The following EPHA3 variants were observed in gnomAD, a reference collection of about 807,000 sequenced individuals.
The protein encoded by EPHA3 is ephrin type-A receptor 3.
A neutral mutation model predicts 107.1 loss-of-function variants in EPHA3; 42 were observed. The ratio of observed to expected loss-of-function variants is 0.39; its 90% CI spans 0.31 to 0.51. EPHA3 has a LOEUF of 0.51. Ranked by LOEUF, EPHA3 falls within the 20% of genes least tolerant of loss-of-function variation. The pLI, the probability that EPHA3 is intolerant of heterozygous loss-of-function variation, is 0.78. For synonymous variants in EPHA3, 461 were observed against 424.8 expected (o/e 1.09, Z -1.05); for missense variants, 1,183 against 1,211.2 (o/e 0.98, Z 0.35).
intron 3 of EPHA3, among the ~76,000 whole-genome samples, chr3:89,233,383 C>T (rs1469745653): frequency 3.9e-5 from 6 of 152,084 alleles, no homozygotes; most frequent in Non-Finnish European, 8.8e-5. Context: ...AACTAGTGTG[C>T]GTAAATGAGG....
At chr3:89,355,730 T>C (rs1559661678) in intron 5 of EPHA3, among the ~76,000 whole-genome samples, 1 of 150,736 alleles carries the variant, frequency 6.6e-6, no homozygotes, top group Non-Finnish European at 1.5e-5. Flanking sequence ...TTGAATAAGT[T>C]GTGCTCTGTC....
chr3:89,280,697 A>G (rs1051166882), intron 3 of EPHA3, among the ~76,000 whole-genome samples: 1 of 152,158 alleles, frequency 6.6e-6, no homozygotes, highest in Non-Finnish European at 1.5e-5. Flanking sequence ...AAAATATATC[A>G]AGGATGTACC....
chr3:89,191,451 C>A (rs1334539482), intron 2 of EPHA3, among the ~76,000 whole-genome samples: 1 of 151,810 alleles, frequency 6.6e-6, no homozygotes, highest in Non-Finnish European at 1.5e-5. Flanking sequence ...GGACTACAGG[C>A]GCCCGCCACC....
chr3:89,246,240 A>C (rs1461919309), intron 3 of EPHA3, among the ~76,000 whole-genome samples: 1 of 152,186 alleles, frequency 6.6e-6, no homozygotes, highest in East Asian at 1.9e-4. Flanking sequence ...CAGTATGGAA[A>C]CTTGAAGTTT....
chr3:89,314,447 G>T (rs554379709), intron 3 of EPHA3, among the ~76,000 whole-genome samples: 1 of 151,922 alleles, frequency 6.6e-6, no homozygotes, highest in Non-Finnish European at 1.5e-5. Flanking sequence ...GTGATACAAA[G>T]CAATCTATAC....
At chr3:89,241,022 T>C (rs113120913) in intron 3 of EPHA3, among the ~76,000 whole-genome samples, 59 of 150,716 alleles carry the variant, frequency 3.9e-4, no homozygotes, top group African/African-American at 1.3e-3. Flanking sequence ...TTTAAAAAAA[T>C]TTTTTTTTTC....
chr3:89,270,646 G>A (rs890457143), intron 3 of EPHA3, among the ~76,000 whole-genome samples: 4 of 152,010 alleles, frequency 2.6e-5, no homozygotes, highest in Non-Finnish European at 4.4e-5. Context: ...AATCTTGTCT[G>A]TGCCCCAGAG....
At chr3:89,255,012 CAATT>C (rs1419596836) in intron 3 of EPHA3, among the ~76,000 whole-genome samples, 1 of 152,102 alleles carries the variant, frequency 6.6e-6, no homozygotes, top group Non-Finnish European at 1.5e-5. Context: ...GAGATTCAAA[CAATT>C]AATTCATAAA....
At chr3:89,184,769 C>A (rs757123398) in intron 2 of EPHA3, among the ~76,000 whole-genome samples, 1 of 151,852 alleles carries the variant, frequency 6.6e-6, no homozygotes, top group Non-Finnish European at 1.5e-5. Flanking sequence ...GGAATGTTTT[C>A]CAGCAAGATA....
chr3:89,334,175 G>A (rs1707348476), intron 3 of EPHA3, among the ~76,000 whole-genome samples: 1 of 152,086 alleles, frequency 6.6e-6, no homozygotes, highest in African/African-American at 2.4e-5. Flanking sequence ...AGTATAACAG[G>A]GAATTATTTG....
chr3:89,239,864 T>C (rs894368571), intron 3 of EPHA3, among the ~76,000 whole-genome samples: 2 of 152,150 alleles, frequency 1.3e-5, no homozygotes, highest in African/African-American at 2.4e-5. Context: ...GCTGACTTGA[T>C]TGATAATAGT....
At position 89,357,106 on chromosome 3, in the gene EPHA3, C is replaced by CAAAA. The variant is rs56717904; in HGVS notation, c.1306+15043_1306+15046dup. ...CTGGTGAAAGAGTGAGACCCTGTCT[C>CAAAA]AAAAAAAAAAAAAAAAAAAAAAAAA... On this transcript the variant is annotated intron_variant, in intron 5 of 16. Transcript: ENST00000336596. 8.1e-3 allele frequency among the ~76,000 whole-genome samples: 129 copies of CAAAA among 16,010 alleles called. 20 individuals are homozygous for CAAAA. Among genetic ancestry groups the CAAAA allele is most frequent in the Non-Finnish European group, 9.9e-3 (88 of 8,870 alleles). The allele number at this position is 16,010 out of a possible 152,430, so 10.5% of individuals were successfully genotyped here. A position where few individuals can be genotyped will look rare whatever the true frequency, so the allele number is the denominator to read the frequency against.
At chr3:89,430,074 A>T (rs1460224716) in intron 12 of EPHA3, among the ~76,000 whole-genome samples, 1 of 152,148 alleles carries the variant, frequency 6.6e-6, no homozygotes, top group Admixed American at 6.6e-5. Context: ...ATATTTTGAC[A>T]TACTATATTT....
chr3:89,325,540 G>C (rs1269647755), intron 3 of EPHA3, among the ~76,000 whole-genome samples: 4 of 152,162 alleles, frequency 2.6e-5, no homozygotes, highest in Admixed American at 6.5e-5. Context: ...GCCTGCATGT[G>C]CCACCAAATT....
At chr3:89,137,900 T>A (rs1471503348) in intron 2 of EPHA3, among the ~76,000 whole-genome samples, 1 of 151,964 alleles carries the variant, frequency 6.6e-6, no homozygotes, top group East Asian at 1.9e-4. Flanking sequence ...ACAGTAGTTG[T>A]TAGAAATGCA....
chr3:89,113,111 A>G (rs759952958), intron 1 of EPHA3, among the ~76,000 whole-genome samples: 2 of 152,150 alleles, frequency 1.3e-5, no homozygotes, highest in Non-Finnish European at 2.9e-5. Flanking sequence ...TTTTTAAATA[A>G]AGGGTTGACC....
chr3:89,230,345 C>T (rs1420116759), intron 3 of EPHA3, among the ~76,000 whole-genome samples: 2 of 151,916 alleles, frequency 1.3e-5, no homozygotes, highest in Non-Finnish European at 2.9e-5. Context: ...TTTCACGTTG[C>T]CTAAATTATG....
At chr3:89,186,765 A>T (rs1705577556) in intron 2 of EPHA3, among the ~76,000 whole-genome samples, 1 of 152,106 alleles carries the variant, frequency 6.6e-6, no homozygotes, top group Admixed American at 6.6e-5. Context: ...GACAATAGAA[A>T]AACATGTTGT....
intron 2 of EPHA3, among the ~76,000 whole-genome samples, chr3:89,201,793 A>G (rs1367315792): frequency 6.6e-6 from 1 of 152,184 alleles, no homozygotes; most frequent in African/African-American, 2.4e-5. Context: ...TCTTGTTTAT[A>G]TCAATTAGCC....
Sources: allele counts gnomAD v4.1 joint callset (sites outside exome capture counted in the v4.1 genomes callset), GRCh38; gene constraint gnomAD v4.1.1; transcripts MANE v1.5; gene names NCBI Gene and HGNC (gene_info 2026-07-23, HGNC 2026-07-21).